The following NDST3 variants were observed in gnomAD, a reference collection of about 807,000 sequenced individuals.
NDST3 encodes N-deacetylase and N-sulfotransferase 3.
Under a neutral mutation model 96.1 loss-of-function variants are expected in NDST3, and 58 were observed. The observed-to-expected ratio is 0.60, with a 90% CI of 0.49 to 0.75. The LOEUF is 0.75. NDST3 is among the 30% of genes least tolerant of loss of function. The pLI is 0.00. For synonymous variants in NDST3, 333 were observed against 359.7 expected, an observed-to-expected ratio of 0.93 and a Z score of 0.84; for missense variants, 788 against 1,034.2, an observed-to-expected ratio of 0.76 and a Z score of 3.27.
chr4:118,066,037 C>T (rs1480597997), intron 2 of NDST3, among the ~76,000 whole-genome samples: 1 of 126,096 alleles, frequency 7.9e-6, no homozygotes, highest in Non-Finnish European at 1.6e-5. Context: ...ATAATAAGTT[C>T]TTCACTATTC....
chr4:118,198,516 C>A (rs1226736086), intron 6 of NDST3, among the ~76,000 whole-genome samples: 2 of 152,066 alleles, frequency 1.3e-5, no homozygotes, highest in African/African-American at 4.8e-5. Flanking sequence ...TGTAATATGT[C>A]TTGAAAAGTT....
At chr4:118,241,970 A>G (rs77320137) in intron 11 of NDST3, 70 bp from the exon 12 acceptor site, 28,752 of 1,094,824 alleles carry the variant, frequency 0.026, 590 homozygotes, top group African/African-American at 0.085. Context: ...TGAGTTTAGA[A>G]TGCAGAAATT....
At chr4:118,078,803 T>C (rs1043305893) in intron 2 of NDST3, among the ~76,000 whole-genome samples, 1 of 151,772 alleles carries the variant, frequency 6.6e-6, no homozygotes, top group Non-Finnish European at 1.5e-5. Context: ...TCCATTTAAG[T>C]AACCCTAGGC....
intron 2 of NDST3, among the ~76,000 whole-genome samples, chr4:118,103,615 A>G (rs367738872): frequency 1.3e-5 from 2 of 152,096 alleles, no homozygotes; most frequent in African/African-American, 4.8e-5. Context: ...TAACTTCATC[A>G]TGTCCAGCTG....
At chr4:118,153,749 G>C (rs1192389442) in intron 6 of NDST3, among the ~76,000 whole-genome samples, 1 of 152,000 alleles carries the variant, frequency 6.6e-6, no homozygotes, top group Non-Finnish European at 1.5e-5. Flanking sequence ...GCTTGAACCC[G>C]GGAGGCGGAG....
At chr4:118,079,025 A>G (rs530114504) in intron 2 of NDST3, among the ~76,000 whole-genome samples, 20 of 152,296 alleles carry the variant, frequency 1.3e-4, no homozygotes, top group Middle Eastern at 3.4e-3. Context: ...AATGAGTAAA[A>G]TTAATTCTTA....
At chr4:118,240,925 G>A (rs944398820) in intron 11 of NDST3, among the ~76,000 whole-genome samples, 1 of 152,146 alleles carries the variant, frequency 6.6e-6, no homozygotes, top group African/African-American at 2.4e-5. Flanking sequence ...TTTCCTGATT[G>A]TAAAAAGCTT....
chr4:118,174,596 A>G (rs1287705997), intron 6 of NDST3, among the ~76,000 whole-genome samples: 1 of 152,186 alleles, frequency 6.6e-6, no homozygotes, highest in Non-Finnish European at 1.5e-5. Context: ...GTGATGGAAT[A>G]TTTTGACAGC....
chr4:118,126,251 C>T (rs1198891605), intron 4 of NDST3, among the ~76,000 whole-genome samples: 1 of 151,758 alleles, frequency 6.6e-6, no homozygotes, highest in African/African-American at 2.4e-5. Flanking sequence ...TTAATCATGC[C>T]CACCTCCCCT....
At chr4:118,179,308 T>C (rs1262218105) in intron 6 of NDST3, among the ~76,000 whole-genome samples, 1 of 152,048 alleles carries the variant, frequency 6.6e-6, no homozygotes, top group African/African-American at 2.4e-5. Context: ...ATGAGTAACT[T>C]CACATATTTT....
rs1270387288 is a variant in NDST3 at position 118,206,275 on chromosome 4, A to T, written c.1540-18216A>T. Among the ~76,000 whole-genome samples, 2 of 144,972 alleles carry T rather than the reference A, an allele frequency of 1.4e-5. 1 individual carries two copies. Among genetic ancestry groups the T allele is most frequent in the Non-Finnish European group, 3.1e-5 (2 of 65,388 alleles). ...ACCAAAATCCAGTTATTATAATAGA[A>T]GTATTTATTTATTCTGAGTGTACAC... is the stretch of plus-strand genomic sequence containing the variant. On this transcript the variant is annotated intron_variant, in intron 6 of 13. Coordinates refer to ENST00000296499, the MANE Select transcript of NDST3 (RefSeq NM_004784.3).
chr4:118,100,085 GGT>G lies in NDST3; in HGVS notation c.982-4928_982-4927del, dbSNP rs549394373. 6.6e-5 allele frequency among the ~76,000 whole-genome samples: 10 copies of G among 152,122 alleles called. No homozygotes were observed. The East Asian group carries it at 1.9e-3, about 29-fold the overall frequency. On this transcript the variant is annotated intron_variant, in intron 2 of 13. Coordinates refer to ENST00000296499, the MANE Select transcript of NDST3 (RefSeq NM_004784.3). ...ATATAGCTGCTACAACATGATTTGAGGTGTGTCCGTGGGAGTGTTTCTGGAAG... is the reference window on the plus strand; with the variant it reads ...ATATAGCTGCTACAACATGATTTGAGGTGTCCGTGGGAGTGTTTCTGGAAG...
intron 1 of NDST3, among the ~76,000 whole-genome samples, chr4:118,052,077 T>G (rs555565445): frequency 6.6e-6 from 1 of 152,204 alleles, no homozygotes; most frequent in Non-Finnish European, 1.5e-5. Flanking sequence ...AAAAGATGCA[T>G]ACACTTGTAT....
chr4:118,150,537 C>T (rs1347512185), intron 6 of NDST3, among the ~76,000 whole-genome samples: 2 of 150,794 alleles, frequency 1.3e-5, no homozygotes, highest in Admixed American at 1.3e-4. Flanking sequence ...AACAAATTTA[C>T]AAGAAAAAAA....
At chr4:118,156,584 C>T (rs935598737) in intron 6 of NDST3, among the ~76,000 whole-genome samples, 3 of 152,148 alleles carry the variant, frequency 2.0e-5, no homozygotes, top group African/African-American at 7.2e-5. Flanking sequence ...AATTTGGTTG[C>T]CTTGGAAGTA....
chr4:118,190,333 G>C (rs1166209487), intron 6 of NDST3, among the ~76,000 whole-genome samples: 1 of 151,978 alleles, frequency 6.6e-6, no homozygotes, highest in African/African-American at 2.4e-5. Flanking sequence ...TATAAAAAAA[G>C]TCAAGGTATA....
chr4:118,107,572 T>C (rs1730301588), intron 3 of NDST3, among the ~76,000 whole-genome samples: 1 of 152,126 alleles, frequency 6.6e-6, no homozygotes. Flanking sequence ...AGATAAAAGC[T>C]ATACAAAAGT....
At chr4:118,199,905 T>C (rs1361568254) in intron 6 of NDST3, among the ~76,000 whole-genome samples, 1 of 152,140 alleles carries the variant, frequency 6.6e-6, no homozygotes, top group East Asian at 1.9e-4. Flanking sequence ...TCCCAGTCTC[T>C]CTCTGTGCTG....
At chr4:118,171,692 A>C (rs1735962288) in intron 6 of NDST3, among the ~76,000 whole-genome samples, 1 of 152,214 alleles carries the variant, frequency 6.6e-6, no homozygotes, top group South Asian at 2.1e-4. Flanking sequence ...CTTGGATGTC[A>C]GCGGAATTGT....
Sources: gnomAD v4.1 joint callset for allele counts (sites outside exome capture counted in the v4.1 genomes callset) on GRCh38, gnomAD v4.1.1 for gene constraint, MANE v1.5 for transcripts, NCBI Gene and HGNC (gene_info 2026-07-23, HGNC 2026-07-21) for gene names.